Variants in PRKG1 observed in about 807,000 individuals in gnomAD.
The protein encoded by PRKG1 is protein kinase cGMP-dependent 1, also known as cGMP-dependent protein kinase 1.
Under a neutral mutation model 88.1 loss-of-function variants are expected in PRKG1, and 35 were observed. That is an observed-to-expected ratio of 0.40 (90% CI 0.30 to 0.53). The LOEUF is 0.53. Among genes scored for constraint, PRKG1 ranks in the 20% least tolerant of loss-of-function variants. The pLI, the probability that PRKG1 is intolerant of heterozygous loss-of-function variation, is 0.59. For missense variants in PRKG1, 540 were observed against 839.8 expected (o/e 0.64, Z 4.41); for synonymous variants, 303 against 292.5 (o/e 1.04, Z -0.37).
chr10:51,796,424 A>G (rs905125727), intron 3 of PRKG1, among the ~76,000 whole-genome samples: 17 of 152,080 alleles, frequency 1.1e-4, no homozygotes, highest in African/African-American at 2.4e-5. Flanking sequence ...TACTTTTTTC[A>G]TACCATCTTC....
intron 2 of PRKG1, among the ~76,000 whole-genome samples, chr10:51,230,786 GAA>G (rs561296280): frequency 4.3e-5 from 6 of 139,902 alleles, no homozygotes; most frequent in African/African-American, 1.0e-4. Context: ...ATAGTGACTA[GAA>G]AAAAAAAAAG....
At chr10:51,039,756 T>G (rs1249549388) in intron 1 of PRKG1, among the ~76,000 whole-genome samples, 1 of 152,214 alleles carries the variant, frequency 6.6e-6, no homozygotes, top group Non-Finnish European at 1.5e-5. Flanking sequence ...TAATTCATTT[T>G]GATGTGATTT....
chr10:51,219,326 A>G (rs1245377720), intron 2 of PRKG1, among the ~76,000 whole-genome samples: 1 of 152,176 alleles, frequency 6.6e-6, no homozygotes, highest in African/African-American at 2.4e-5. Context: ...CTGGGGTTAC[A>G]TAGTTAAGTC....
chr10:51,178,951 T>G (rs1436988058), intron 2 of PRKG1, among the ~76,000 whole-genome samples: 1 of 152,314 alleles, frequency 6.6e-6, no homozygotes, highest in East Asian at 1.9e-4. Context: ...TAAGAGAGCT[T>G]AATGCAGTAA....
intron 8 of PRKG1, among the ~76,000 whole-genome samples, chr10:52,145,683 T>G (rs1837711310): frequency 6.6e-6 from 1 of 152,176 alleles, no homozygotes; most frequent in South Asian, 2.1e-4. Flanking sequence ...ACTTTTTTGG[T>G]GGAGTTAAAT....
At chr10:51,025,692 CTG>C (rs1843195261) in intron 1 of PRKG1, among the ~76,000 whole-genome samples, 1 of 152,158 alleles carries the variant, frequency 6.6e-6, no homozygotes, top group Non-Finnish European at 1.5e-5. Flanking sequence ...CACCTCTACT[CTG>C]TCGTCAGGCT....
At chr10:51,151,858 C>T (rs1376422145) in intron 1 of PRKG1, among the ~76,000 whole-genome samples, 1 of 151,954 alleles carries the variant, frequency 6.6e-6, no homozygotes, top group Admixed American at 6.6e-5. Context: ...GGATGAAAAG[C>T]CTCCCAGAAA....
intron 3 of PRKG1, among the ~76,000 whole-genome samples, chr10:51,621,009 G>A (rs10998526): frequency 0.73 from 87,561 of 120,042 alleles, 31,646 homozygotes; most frequent in South Asian, 0.81. Flanking sequence ...GTATATGTGT[G>A]TATATATATA....
At chr10:51,518,540 A>G (rs570278188) in intron 3 of PRKG1, among the ~76,000 whole-genome samples, 2 of 152,290 alleles carry the variant, frequency 1.3e-5, no homozygotes, top group Admixed American at 6.5e-5. Flanking sequence ...TTGCTCCATT[A>G]TCTTCAATAT....
intron 2 of PRKG1, among the ~76,000 whole-genome samples, chr10:51,418,866 A>G (rs1296043663): frequency 2.0e-5 from 3 of 152,198 alleles, no homozygotes; most frequent in Non-Finnish European, 4.4e-5. Context: ...CACCACTCAT[A>G]ATCCAAGGGA....
chr10:51,152,394 G>A (rs571670586), intron 1 of PRKG1, among the ~76,000 whole-genome samples: 2 of 152,108 alleles, frequency 1.3e-5, no homozygotes, highest in East Asian at 3.9e-4. Flanking sequence ...AAAAAGCATG[G>A]GACATGTGTA....
intron 2 of PRKG1, among the ~76,000 whole-genome samples, chr10:51,362,615 T>C (rs1358693084): frequency 6.6e-6 from 1 of 151,866 alleles, no homozygotes; most frequent in Non-Finnish European, 1.5e-5. Context: ...AGGAAAAACA[T>C]TGAAACTGTA....
intron 3 of PRKG1, among the ~76,000 whole-genome samples, chr10:51,550,281 G>A (rs1837094060): frequency 6.6e-6 from 1 of 152,028 alleles, no homozygotes; most frequent in African/African-American, 2.4e-5. Context: ...GTCTAGATTA[G>A]TTAAGAAAAC....
At chr10:52,008,919 T>TA (rs1329324623) in intron 5 of PRKG1, among the ~76,000 whole-genome samples, 1 of 151,710 alleles carries the variant, frequency 6.6e-6, no homozygotes, top group African/African-American at 2.4e-5. Flanking sequence ...TAAACAGAAC[T>TA]AAAAAAACAC....
intron 3 of PRKG1, among the ~76,000 whole-genome samples, chr10:51,617,867 A>G (rs1839101700): frequency 6.6e-6 from 1 of 152,184 alleles, no homozygotes; most frequent in Non-Finnish European, 1.5e-5. Flanking sequence ...TCATGCTTAC[A>G]TGGTGGCAAA....
chr10:51,164,121 C>T (rs977755036), intron 2 of PRKG1, among the ~76,000 whole-genome samples: 23 of 152,310 alleles, frequency 1.5e-4, no homozygotes, highest in East Asian at 3.9e-4. Flanking sequence ...CCCTGACCCC[C>T]GAGCAGCCTA....
At chr10:52,010,499 C>G (rs2133168525) in intron 5 of PRKG1, among the ~76,000 whole-genome samples, 1 of 152,262 alleles carries the variant, frequency 6.6e-6, no homozygotes, top group East Asian at 1.9e-4. Context: ...GAAAAACTAA[C>G]TGCTGAGTAC....
intron 2 of PRKG1, among the ~76,000 whole-genome samples, chr10:51,253,655 G>GTATTGTACT (rs61272454): frequency 4.0e-4 from 61 of 152,042 alleles, no homozygotes; most frequent in African/African-American, 1.4e-3. Flanking sequence ...TTCCTCTGCT[G>GTATTGTACT]TATTGTACTT....
intron 5 of PRKG1, among the ~76,000 whole-genome samples, chr10:52,001,690 A>T (rs1274283695): frequency 6.6e-6 from 1 of 152,032 alleles, no homozygotes; most frequent in Non-Finnish European, 1.5e-5. Context: ...ATGTATTGAA[A>T]CAAAAATAGA....
Sources: gnomAD v4.1 joint callset for allele counts (sites outside exome capture counted in the v4.1 genomes callset) on GRCh38, gnomAD v4.1.1 for gene constraint, MANE v1.5 for transcripts, NCBI Gene and HGNC (gene_info 2026-07-23, HGNC 2026-07-21) for gene names.